Variants in KCNAB1 observed in about 807,000 individuals in gnomAD.
The protein encoded by KCNAB1 is potassium voltage-gated channel subfamily A regulatory beta subunit 1.
A neutral mutation model predicts 64.6 loss-of-function variants in KCNAB1; 35 were observed. The ratio of observed to expected loss-of-function variants is 0.54; its 90% CI spans 0.41 to 0.72. KCNAB1 has a LOEUF of 0.72. Among genes scored for constraint, KCNAB1 ranks in the 30% least tolerant of loss-of-function variants. KCNAB1 has a pLI of 0.00. For missense variants in KCNAB1, 401 were observed against 512.9 expected, an observed-to-expected ratio of 0.78 and a Z score of 2.11; for synonymous variants, 177 against 183.8, an observed-to-expected ratio of 0.96 and a Z score of 0.30.
intron 1 of KCNAB1, among the ~76,000 whole-genome samples, chr3:156,299,137 G>A (rs1720988346): frequency 6.6e-6 from 1 of 152,226 alleles, no homozygotes; most frequent in Non-Finnish European, 1.5e-5. Context: ...GACTCCAAGG[G>A]CAGAGTTCCT....
chr3:156,348,121 G>C (rs972969080), intron 1 of KCNAB1, among the ~76,000 whole-genome samples: 20 of 152,156 alleles, frequency 1.3e-4, no homozygotes, highest in African/African-American at 1.9e-4. Context: ...AACAAACCAA[G>C]GGGTTTAGAG....
At position 156,536,692 on chromosome 3, in the gene KCNAB1, A is replaced by AGATT. The variant is rs1444676806; in HGVS notation, c.1209_1212dup (p.Asn405Ter). ...AAGATGACATCACATGTGGTAAATG[A>AGATT]GATTGATAACATACTGCGCAACAAG... On this transcript the variant is annotated frameshift_variant, in exon 14 of 14. Coordinates refer to ENST00000490337, the MANE Select transcript of KCNAB1 (RefSeq NM_172160.3). LOFTEE classifies it high-confidence loss of function. 6.2e-7 allele frequency: 1 copy of AGATT among 1,613,314 alleles called. No homozygotes were observed. Among genetic ancestry groups the AGATT allele is most frequent in the Non-Finnish European group, 8.5e-7 (1 of 1,179,216 alleles).
chr3:156,531,600 A>G, intron 13 of KCNAB1, 103 bp downstream of exon 13: 1 of 884,418 alleles, frequency 1.1e-6, no homozygotes, highest in East Asian at 2.4e-5. Flanking sequence ...TGGGTGGGGC[A>G]AGAGTAGGGG....
intron 3 of KCNAB1, chr3:156,456,035 TC>T (rs1444892395): frequency 6.6e-6 from 1 of 152,090 alleles, no homozygotes; most frequent in Non-Finnish European, 1.5e-5. Flanking sequence ...GAGGAGGAGA[TC>T]CCAGAACAAA....
chr3:156,476,284 A>T (rs1475232637), intron 8 of KCNAB1, among the ~76,000 whole-genome samples: 1 of 151,968 alleles, frequency 6.6e-6, no homozygotes, highest in Non-Finnish European at 1.5e-5. Context: ...TTGTAGTCTT[A>T]TCCCTCACTC....
chr3:156,182,629 T>C (rs75024690), intron 1 of KCNAB1, among the ~76,000 whole-genome samples: 8,682 of 120,282 alleles, frequency 0.072, 310 homozygotes, highest in Middle Eastern at 0.11. Flanking sequence ...GGTTTTTTTT[T>C]CCCCCCCCCG....
In KCNAB1 at chr3:156,176,770, C is replaced by T. The variant is rs559170377; in HGVS notation, c.275+55884C>T. 244 of 892,564 alleles carry T rather than the reference C, an allele frequency of 2.7e-4. 4 individuals are homozygous for T. The Admixed American group carries it at 4.1e-3, about 15-fold the overall frequency. The allele number at this position is 892,564 out of a possible 1,614,324, so 55.3% of individuals were successfully genotyped here. On this transcript the variant is annotated intron_variant, in intron 1 of 13. Transcript: ENST00000490337. ...AGGGAGGAACACCTCGGAGGTCCTG[C>T]TTGCAGCAAAGCTCCTGGCGTCGCC...
intron 1 of KCNAB1, among the ~76,000 whole-genome samples, chr3:156,258,670 C>A (rs568560172): frequency 1.3e-5 from 2 of 152,178 alleles, no homozygotes; most frequent in African/African-American, 4.8e-5. Context: ...AAATTAAAAT[C>A]GGGCAATCAT....
intron 1 of KCNAB1, among the ~76,000 whole-genome samples, chr3:156,315,700 G>A (rs1722229217): frequency 6.6e-6 from 1 of 151,942 alleles, no homozygotes; most frequent in South Asian, 2.1e-4. Context: ...ATCTATTCAT[G>A]TGGGATAAAA....
At chr3:156,134,958 T>C (rs911602692) in intron 1 of KCNAB1, among the ~76,000 whole-genome samples, 3 of 152,152 alleles carry the variant, frequency 2.0e-5, no homozygotes, top group African/African-American at 7.2e-5. Context: ...GATGGTATAT[T>C]TGGGAATTCA....
chr3:156,515,051 C>A (rs775222861), intron 9 of KCNAB1, 49 bp from the exon 10 acceptor site: 4 of 1,527,732 alleles, frequency 2.6e-6, no homozygotes, highest in African/African-American at 1.4e-5. Flanking sequence ...TACAGCGAAG[C>A]CTTATTTCTC....
Position 156,412,920 on chromosome 3 carries a change from G to A in KCNAB1, c.276-8696G>A, listed in dbSNP as rs1354328629. On this transcript the variant is annotated intron_variant, in intron 1 of 13. Coordinates refer to ENST00000490337, the MANE Select transcript of KCNAB1 (RefSeq NM_172160.3). ...GAGCTTCATTGTTTTGATGGGGGCT[G>A]ACCCACAGACTGACATTCTGAATTT... Among the ~76,000 whole-genome samples the A allele has an allele frequency of 2.0e-5, 3 of 152,338 alleles. No individual in the cohort carries two copies. In the East Asian group the frequency reaches 5.8e-4, roughly 29 times the overall value.
At chr3:156,490,740 T>C (rs944042389) in intron 8 of KCNAB1, among the ~76,000 whole-genome samples, 7 of 152,096 alleles carry the variant, frequency 4.6e-5, no homozygotes, top group Admixed American at 1.3e-4. Context: ...AACTGAAGGA[T>C]ATCTTGAGAG....
chr3:156,351,116 A>C (rs2108084658), intron 1 of KCNAB1, among the ~76,000 whole-genome samples: 1 of 152,386 alleles, frequency 6.6e-6, no homozygotes, highest in Middle Eastern at 3.4e-3. Flanking sequence ...AACTAGAAAG[A>C]TATCATAAGA....
intron 2 of KCNAB1, among the ~76,000 whole-genome samples, chr3:156,422,410 T>C (rs777629312): frequency 3.9e-5 from 6 of 152,184 alleles, no homozygotes; most frequent in Non-Finnish European, 8.8e-5. Flanking sequence ...TGAGGAGTGG[T>C]CAGATTGTGG....
rs146552709 is a variant in KCNAB1, at chr3:156,506,430, A to G, written c.659-7934A>G. Among the ~76,000 whole-genome samples, 616 of 152,322 alleles carry G rather than the reference A, an allele frequency of 4.0e-3. 2 individuals carry two copies. Among genetic ancestry groups the G allele is most frequent in the Non-Finnish European group, 6.1e-3 (418 of 68,024 alleles). ...TCAATAACCTATTTCACATTTTAGA[A>G]TAAGGTTCTGAAATCATATTTGGGC... On this transcript the variant is annotated intron_variant, in intron 8 of 13. Transcript: ENST00000490337.
At chr3:156,438,945 C>T (rs912051255) in intron 2 of KCNAB1, among the ~76,000 whole-genome samples, 6 of 151,714 alleles carry the variant, frequency 4.0e-5, no homozygotes, top group Non-Finnish European at 8.8e-5. Flanking sequence ...ACCCGGGAGG[C>T]GGAGGTTGCA....
intron 3 of KCNAB1, among the ~76,000 whole-genome samples, chr3:156,454,056 G>T (rs1712208303): frequency 6.6e-6 from 1 of 152,208 alleles, no homozygotes; most frequent in South Asian, 2.1e-4. Context: ...TTATTTAGCA[G>T]ATCTGAGAGA....
At position 156,516,347 on chromosome 3, in the gene KCNAB1, TC is replaced by T; in HGVS notation, c.945del (p.Arg316GlyfsTer4). ...ATACGGAAACGGGGTGCCTGAAAGT[TC>T]CAGGGCTTCACTGAAGGTATTTTTC... ...GKYGNGVPES[S>X]RASLKCYQWL... On this transcript the variant is annotated frameshift_variant, in exon 11 of 14. Coordinates refer to ENST00000490337, the MANE Select transcript of KCNAB1 (RefSeq NM_172160.3). LOFTEE classifies it high-confidence loss of function. 2.5e-6 allele frequency: 4 copies of T among 1,612,502 alleles called. No individual in the cohort carries two copies. The highest frequency in any genetic ancestry group is 3.4e-6 in the Non-Finnish European group (4 of 1,178,476).
Sources: allele counts gnomAD v4.1 joint callset (sites outside exome capture counted in the v4.1 genomes callset), GRCh38; gene constraint gnomAD v4.1.1; transcripts MANE v1.5; gene names NCBI Gene and HGNC (gene_info 2026-07-23, HGNC 2026-07-21).